The following REDIC1 variants were observed in gnomAD, a reference collection of about 807,000 sequenced individuals.
REDIC1 encodes the protein HEI10 Interacting Protein 1.
At chr12:39,794,077 T>TAGC in the REDIC1 span, among the ~76,000 whole-genome samples, 2 of 131,204 alleles carry the variant, frequency 1.5e-5, no homozygotes, top group Non-Finnish European at 3.1e-5. Context: ...TCTTTTGAGC[T>TAGC]AGCAATTCCT....
At chr12:39,808,692 T>C in the REDIC1 span, among the ~76,000 whole-genome samples, 2 of 152,200 alleles carry the variant, frequency 1.3e-5, no homozygotes, top group African/African-American at 2.4e-5. Flanking sequence ...TGTTGAACAT[T>C]ATATCTATGT....
the REDIC1 span, among the ~76,000 whole-genome samples, chr12:39,896,328 G>A: frequency 7.2e-6 from 1 of 138,780 alleles, no homozygotes; most frequent in Non-Finnish European, 1.5e-5. Flanking sequence ...ATGTATATGT[G>A]TATATATGTA....
the REDIC1 span, among the ~76,000 whole-genome samples, chr12:39,709,872 A>T: frequency 6.6e-6 from 1 of 151,684 alleles, no homozygotes; most frequent in Non-Finnish European, 1.5e-5. Flanking sequence ...TGGTAGTTCT[A>T]TTTTTATTTT....
the REDIC1 span, chr12:39,684,355 A>G: frequency 4.1e-6 from 3 of 723,396 alleles, no homozygotes; most frequent in Non-Finnish European, 5.1e-6. Context: ...AATTTAGCCA[A>G]ATCTTTCTGG....
chr12:39,894,859 G>A, the REDIC1 span, among the ~76,000 whole-genome samples: 1 of 152,078 alleles, frequency 6.6e-6, no homozygotes, highest in Non-Finnish European at 1.5e-5. Context: ...AAGAAAAAAG[G>A]GAGAAAAGAA....
chr12:39,899,939 G>GA, the REDIC1 span, among the ~76,000 whole-genome samples: 2 of 151,908 alleles, frequency 1.3e-5, no homozygotes, highest in Non-Finnish European at 2.9e-5. Flanking sequence ...GGGTGGTGCT[G>GA]AAAAAAATAC....
the REDIC1 span, among the ~76,000 whole-genome samples, chr12:39,670,906 CTT>C: frequency 5.3e-5 from 8 of 151,794 alleles, no homozygotes; most frequent in Non-Finnish European, 1.2e-4. Flanking sequence ...TGATATCTCT[CTT>C]TGTGAATTTC....
chr12:39,685,335 C>T, the REDIC1 span, among the ~76,000 whole-genome samples: 1 of 152,058 alleles, frequency 6.6e-6, no homozygotes, highest in African/African-American at 2.4e-5. Context: ...TTCGGGCAGG[C>T]CTCAGGAAAC....
the REDIC1 span, among the ~76,000 whole-genome samples, chr12:39,652,397 G>A: frequency 1.8e-3 from 277 of 152,170 alleles, no homozygotes; most frequent in African/African-American, 6.1e-3. Flanking sequence ...TCAACACTTG[G>A]TACAGTCAGT....
At chr12:39,714,697 C>T in the REDIC1 span, among the ~76,000 whole-genome samples, 1 of 151,870 alleles carries the variant, frequency 6.6e-6, no homozygotes, top group South Asian at 2.1e-4. Context: ...TAGAAGTGTT[C>T]CCTGTTCACC....
the REDIC1 span, among the ~76,000 whole-genome samples, chr12:39,713,804 CAT>C: frequency 6.8e-6 from 1 of 147,238 alleles, no homozygotes; most frequent in Non-Finnish European, 1.5e-5. Context: ...TGTATATATG[CAT>C]GTGTATATAT....
chr12:39,740,803 T>A, the REDIC1 span, among the ~76,000 whole-genome samples: 2 of 152,160 alleles, frequency 1.3e-5, no homozygotes, highest in Admixed American at 1.3e-4. Flanking sequence ...TTCCCAGAAT[T>A]AAGAGGTAAT....
the REDIC1 span, among the ~76,000 whole-genome samples, chr12:39,711,489 G>A: frequency 7.1e-6 from 1 of 140,342 alleles, no homozygotes; most frequent in Non-Finnish European, 1.5e-5. Flanking sequence ...GTGTATATAT[G>A]TATATAAGTA....
the REDIC1 span, among the ~76,000 whole-genome samples, chr12:39,809,390 A>G: frequency 6.6e-6 from 1 of 152,106 alleles, no homozygotes; most frequent in Admixed American, 6.6e-5. Context: ...GTTCTTTTGC[A>G]TTTCTATATA....
chr12:39,830,253 C>A, the REDIC1 span: 1 of 1,606,552 alleles, frequency 6.2e-7, no homozygotes, highest in Non-Finnish European at 8.5e-7. Context: ...GAGTTACCGT[C>A]ATGTTGGCAG....
chr12:39,742,196 T>C, the REDIC1 span, among the ~76,000 whole-genome samples: 471 of 152,270 alleles, frequency 3.1e-3, 4 homozygotes, highest in Non-Finnish European at 4.5e-3. Flanking sequence ...ATTTCTAGTT[T>C]ACAGGTAGCA....
At chr12:39,734,853 G>A in the REDIC1 span, among the ~76,000 whole-genome samples, 1 of 152,136 alleles carries the variant, frequency 6.6e-6, no homozygotes, top group Admixed American at 6.5e-5. Context: ...GCTACAGCTT[G>A]TCAATTTCTA....
the REDIC1 span, among the ~76,000 whole-genome samples, chr12:39,731,438 G>C: frequency 6.6e-6 from 1 of 152,162 alleles, no homozygotes; most frequent in Non-Finnish European, 1.5e-5. Context: ...GTTTGCTGGA[G>C]GTCCACTCCA....
the REDIC1 span, among the ~76,000 whole-genome samples, chr12:39,714,171 A>ATATACATGCATATATGCGTATG: frequency 2.1e-5 from 3 of 141,680 alleles, no homozygotes; most frequent in African/African-American, 8.3e-5. Flanking sequence ...ATATGCGTAT[A>ATATACATGCATATATGCGTATG]TGTATATACA....
Sources: allele counts gnomAD v4.1 joint callset (sites outside exome capture counted in the v4.1 genomes callset), GRCh38; gene constraint gnomAD v4.1.1; transcripts MANE v1.5; gene names NCBI Gene and HGNC (gene_info 2026-07-23, HGNC 2026-07-21).